The following SUSD1 variants were observed in gnomAD, a reference collection of about 807,000 sequenced individuals.
SUSD1 encodes the protein sushi domain containing 1, also known as sushi domain-containing protein 1.
A neutral mutation model predicts 86.9 loss-of-function variants in SUSD1; 65 were observed. The observed-to-expected ratio is 0.75, with a 90% CI of 0.61 to 0.92. SUSD1 has a LOEUF of 0.92. Among genes scored for constraint, SUSD1 ranks in the 40% least tolerant of loss-of-function variants. The pLI, the probability that SUSD1 is intolerant of heterozygous loss-of-function variation, is 0.00. For synonymous variants in SUSD1, 346 were observed against 350.0 expected (o/e 0.99, Z 0.13); for missense variants, 850 against 929.7 (o/e 0.91, Z 1.11).
intron 14 of SUSD1, among the ~76,000 whole-genome samples, chr9:112,057,897 T>C (rs1362832332): frequency 6.6e-6 from 1 of 152,186 alleles, no homozygotes; most frequent in Non-Finnish European, 1.5e-5. Flanking sequence ...TGCAGCTCCA[T>C]GATGTTTCCT....
Position 112,052,444 on chromosome 9 carries a change from A to G in SUSD1, c.2110-6T>C, listed in dbSNP as rs1358712939. 1.2e-6 allele frequency: 2 copies of G among 1,614,026 alleles called. No individual in the cohort carries two copies. The highest frequency in any genetic ancestry group is 2.2e-5 in the South Asian group (2 of 91,076). On this transcript the variant is annotated splice_region_variant and splice_polypyrimidine_tract_variant and intron_variant, in intron 14 of 16. Coordinates refer to ENST00000374270, the MANE Select transcript of SUSD1 (RefSeq NM_022486.5). Reference sequence around the variant, plus strand: ...GCACAGGAGTGTCTTCTCACCTATAAAGGAAAACATAGCAATGCATTTAGC... The same window carrying G: ...GCACAGGAGTGTCTTCTCACCTATAGAGGAAAACATAGCAATGCATTTAGC...
intron 2 of SUSD1, among the ~76,000 whole-genome samples, chr9:112,151,100 G>A (rs926564557): frequency 2.8e-4 from 42 of 152,140 alleles, no homozygotes; most frequent in Non-Finnish European, 3.1e-4. Flanking sequence ...AAGCCATCGT[G>A]CCCAGTTAAT....
intron 6 of SUSD1, among the ~76,000 whole-genome samples, chr9:112,121,501 AC>A (rs757540536): frequency 1.1e-4 from 16 of 152,196 alleles, no homozygotes; most frequent in Non-Finnish European, 2.4e-4. Flanking sequence ...CCGACAAAGT[AC>A]CTGACAAATA....
intron 13 of SUSD1, among the ~76,000 whole-genome samples, chr9:112,060,213 C>G (rs140707012): frequency 5.5e-4 from 84 of 152,222 alleles, no homozygotes; most frequent in African/African-American, 7.7e-4. Context: ...AGTCTCCCCC[C>G]ACCAGGTTCC....
At chr9:112,107,254 C>CAAAAAAA (rs71382407) in intron 8 of SUSD1, among the ~76,000 whole-genome samples, 8 of 66,136 alleles carry the variant, frequency 1.2e-4, no homozygotes, top group Non-Finnish European at 1.9e-4. Flanking sequence ...GACCATATCT[C>CAAAAAAA]AAAAAAAAAA....
intron 14 of SUSD1, among the ~76,000 whole-genome samples, chr9:112,053,865 T>G (rs7024469): frequency 0.082 from 12,418 of 152,144 alleles, 1,741 homozygotes; most frequent in African/African-American, 0.28. Flanking sequence ...AAAGATGTGG[T>G]AGAAAAGTGA....
Position 112,149,389 on chromosome 9 carries a change from C to T in SUSD1, c.228G>A (p.Glu76=), listed in dbSNP as rs760371826. The T allele has an allele frequency of 1.2e-6, 2 of 1,614,060 alleles. No homozygotes were observed. The highest frequency in any genetic ancestry group is 8.5e-7 in the Non-Finnish European group (1 of 1,180,004). ...AGACAAGAGTGGCTCCAAACTGGCA[C>T]TCATTTTTATCTGTTGACACACAGA... is the stretch of plus-strand genomic sequence containing the variant. ...NGRTQCVDKN[E]CQFGATLVCG... The change falls in exon 3 of 17, where the codon GAG becomes GAA. Residue 76 remains glutamate (E), a synonymous_variant. Coordinates refer to ENST00000374270, the MANE Select transcript of SUSD1 (RefSeq NM_022486.5).
At chr9:112,093,684 G>C (rs1830289734) in intron 10 of SUSD1, among the ~76,000 whole-genome samples, 1 of 152,226 alleles carries the variant, frequency 6.6e-6, no homozygotes, top group African/African-American at 2.4e-5. Context: ...ATGGAAAGGA[G>C]AGGTAAGATT....
chr9:112,111,543 A>T, intron 8 of SUSD1, 111 bp downstream of exon 8: 1 of 1,389,370 alleles, frequency 7.2e-7, no homozygotes, highest in Non-Finnish European at 9.8e-7. Context: ...TCTGAGTATA[A>T]ATCTCAGACA....
intron 12 of SUSD1, among the ~76,000 whole-genome samples, chr9:112,078,254 G>T (rs1011608911): frequency 6.6e-6 from 1 of 152,336 alleles, no homozygotes; most frequent in East Asian, 1.9e-4. Context: ...GGCTGAGGCA[G>T]GAGGATCATT....
At chr9:112,087,154 G>A (rs1830019513) in intron 10 of SUSD1, among the ~76,000 whole-genome samples, 2 of 152,060 alleles carry the variant, frequency 1.3e-5, no homozygotes, top group African/African-American at 4.8e-5. Context: ...AAAACTCCTT[G>A]AGTCAGAAAT....
At chr9:112,051,413 T>C (rs1227454855) in intron 15 of SUSD1, among the ~76,000 whole-genome samples, 19 of 100,884 alleles carry the variant, frequency 1.9e-4, no homozygotes, top group East Asian at 1.1e-3. Flanking sequence ...CTTTTCTTTT[T>C]TTTTTTTTTT....
chr9:112,128,875 C>G (rs1831894681), intron 5 of SUSD1, among the ~76,000 whole-genome samples: 1 of 152,172 alleles, frequency 6.6e-6, no homozygotes, highest in African/African-American at 2.4e-5. Context: ...GAGAGGGAGA[C>G]TGGCATGAGA....
At chr9:112,085,276 T>C (rs916410569) in intron 10 of SUSD1, among the ~76,000 whole-genome samples, 4 of 152,226 alleles carry the variant, frequency 2.6e-5, no homozygotes, top group Admixed American at 6.5e-5. Context: ...CCTATGTAAG[T>C]ACAGTTTTAA....
chr9:112,105,786 C>T (rs903742305), intron 8 of SUSD1, among the ~76,000 whole-genome samples: 2 of 152,104 alleles, frequency 1.3e-5, no homozygotes, highest in African/African-American at 2.4e-5. Context: ...CATTTCTATC[C>T]GTCCACTACC....
chr9:112,070,811 G>A (rs1455246221), intron 12 of SUSD1, among the ~76,000 whole-genome samples: 1 of 152,186 alleles, frequency 6.6e-6, no homozygotes, highest in African/African-American at 2.4e-5. Flanking sequence ...AAAAAAGCTA[G>A]ACAGTCTGGA....
At chr9:112,170,663 C>T (rs547777383) in intron 1 of SUSD1, among the ~76,000 whole-genome samples, 1 of 147,424 alleles carries the variant, frequency 6.8e-6, no homozygotes, top group African/African-American at 2.5e-5. Context: ...CAGTGACAGA[C>T]TGAATATACA....
chr9:112,048,214 G>A (rs79105550), intron 15 of SUSD1, among the ~76,000 whole-genome samples: 1 of 152,016 alleles, frequency 6.6e-6, no homozygotes, highest in Non-Finnish European at 1.5e-5. Context: ...CTCCCTATTC[G>A]GGAGCTTAAG....
intron 3 of SUSD1, among the ~76,000 whole-genome samples, chr9:112,145,278 CTTTTTT>C (rs1262953487): frequency 9.3e-6 from 1 of 107,452 alleles, no homozygotes; most frequent in Non-Finnish European, 2.0e-5. Context: ...CCATAATTTC[CTTTTTT>C]TTTTTTTTTT....
Sources: gnomAD v4.1 joint callset for allele counts (sites outside exome capture counted in the v4.1 genomes callset) on GRCh38, gnomAD v4.1.1 for gene constraint, MANE v1.5 for transcripts, NCBI Gene and HGNC (gene_info 2026-07-23, HGNC 2026-07-21) for gene names.